Variants in BICC1 observed in about 807,000 individuals in gnomAD.
BICC1 encodes the protein protein bicaudal C homolog 1.
A neutral mutation model predicts 111.0 loss-of-function variants in BICC1; 43 were observed. That is an observed-to-expected ratio of 0.39 (90% CI 0.30 to 0.50). The LOEUF is 0.50. Among genes scored for constraint, BICC1 ranks in the 20% least tolerant of loss-of-function variants. The pLI is 0.88. For missense variants in BICC1, 1,091 were observed against 1,203.2 expected (o/e 0.91, Z 1.38); for synonymous variants, 467 against 434.4 (o/e 1.07, Z -0.93).
intron 15 of BICC1, among the ~76,000 whole-genome samples, chr10:58,803,893 A>T (rs567963488): frequency 4.7e-4 from 72 of 152,354 alleles, no homozygotes; most frequent in African/African-American, 1.6e-3. Flanking sequence ...AATATGAAAG[A>T]TAAGGATTTG....
intron 3 of BICC1, among the ~76,000 whole-genome samples, chr10:58,780,210 C>T (rs1213231070): frequency 6.6e-6 from 1 of 152,156 alleles, no homozygotes; most frequent in Non-Finnish European, 1.5e-5. Context: ...ATCTGTTTGA[C>T]AGTTTTGTTT....
rs575429736 is a variant in BICC1 at position 58,739,542 on chromosome 10, A to T, written c.307+37399A>T. Among the ~76,000 whole-genome samples the T allele has an allele frequency of 2.6e-3, 388 of 150,160 alleles. 3 individuals carry two copies. Among genetic ancestry groups the T allele is most frequent in the African/African-American group, 8.9e-3 (364 of 41,006 alleles). Reference sequence around the variant, plus strand: ...GCTGATTTTATAAAACTTTAGTTTAATTTTTTTTTTACTTTCCTTCCAGAT... The same window carrying T: ...GCTGATTTTATAAAACTTTAGTTTATTTTTTTTTTTACTTTCCTTCCAGAT... On this transcript the variant is annotated intron_variant, in intron 3 of 20. Transcript: ENST00000373886.
chr10:58,642,587 A>G (rs1838155202), intron 2 of BICC1, among the ~76,000 whole-genome samples: 1 of 152,134 alleles, frequency 6.6e-6, no homozygotes, highest in Non-Finnish European at 1.5e-5. Context: ...GTCTCCCAGG[A>G]AAGTGTGGTT....
intron 2 of BICC1, among the ~76,000 whole-genome samples, chr10:58,625,002 A>G (rs1344294467): frequency 1.3e-5 from 2 of 152,230 alleles, no homozygotes; most frequent in Non-Finnish European, 2.9e-5. Flanking sequence ...TGATGGGATT[A>G]CAGATTAAAC....
intron 3 of BICC1, among the ~76,000 whole-genome samples, chr10:58,745,198 T>G (rs558777384): frequency 6.6e-6 from 1 of 152,274 alleles, no homozygotes; most frequent in South Asian, 2.1e-4. Flanking sequence ...TAATTTTCAG[T>G]CTTTCACATC....
intron 2 of BICC1, among the ~76,000 whole-genome samples, chr10:58,658,925 A>G (rs1838750246): frequency 1.3e-5 from 2 of 152,176 alleles, no homozygotes; most frequent in South Asian, 2.1e-4. Context: ...AATTGGCACT[A>G]GAGTGTAATT....
chr10:58,745,609 C>CG (rs1554827850), intron 3 of BICC1, among the ~76,000 whole-genome samples: 3 of 130,794 alleles, frequency 2.3e-5, no homozygotes, highest in Admixed American at 7.8e-5. Context: ...ACCGCCCCCC[C>CG]CCCACATTTT....
At chr10:58,797,755 T>C (rs145914847) in intron 10 of BICC1, among the ~76,000 whole-genome samples, 171 of 152,304 alleles carry the variant, frequency 1.1e-3, no homozygotes, top group African/African-American at 3.7e-3. Flanking sequence ...GAACATATTT[T>C]AAATGCCCAA....
chr10:58,752,872 A>C (rs1157448094), intron 3 of BICC1, among the ~76,000 whole-genome samples: 2 of 152,158 alleles, frequency 1.3e-5, no homozygotes, highest in African/African-American at 4.8e-5. Context: ...GGAGGTCAGC[A>C]GTGCAGGCTG....
rs1033609024 is a variant in BICC1 at position 58,738,981 on chromosome 10, G to T, written c.307+36838G>T. ...TTTGCTTATCAGCTTAAGGAGATTT[G>T]GGGCTGAGACAGTGGGGTTTTCTAG... On this transcript the variant is annotated intron_variant, in intron 3 of 20. Coordinates refer to ENST00000373886, the MANE Select transcript of BICC1 (RefSeq NM_001080512.3). 1.6e-3 allele frequency among the ~76,000 whole-genome samples: 237 copies of T among 151,978 alleles called. 1 individual carries two copies. The highest frequency in any genetic ancestry group is 2.4e-3 in the Non-Finnish European group (164 of 67,974).
chr10:58,759,292 T>G (rs1466157370), intron 3 of BICC1, among the ~76,000 whole-genome samples: 2 of 152,036 alleles, frequency 1.3e-5, no homozygotes, highest in African/African-American at 2.4e-5. Context: ...AGTGGCAATA[T>G]AAGCAAAAAT....
rs147466451 is a variant in BICC1, at chr10:58,789,367, A to C, written c.706A>C (p.Asn236His). 185 of 1,614,050 alleles carry C rather than the reference A, an allele frequency of 1.1e-4. No homozygotes were observed. Among genetic ancestry groups the C allele is most frequent in the Admixed American group, 3.3e-4 (20 of 60,014 alleles). Reference protein sequence around the residue: ...PSIQHISQTYNISVSFKQRSR... With the variant: ...PSIQHISQTYHISVSFKQRSR... ...TATTCAGCATATATCACAAACGTAC[A>C]ATATTTCAGTATCATTTAAACAGCG... Residue 236 changes from asparagine to histidine, a missense_variant, in exon 7 of 21, where the codon AAT (asparagine) becomes CAT (histidine). Around this residue, in one of 3 missense-constraint regions of BICC1, gnomAD observed 843 missense variants for 900.8 expected, o/e 0.94. Coordinates refer to ENST00000373886, the MANE Select transcript of BICC1 (RefSeq NM_001080512.3).
Position 58,828,897 on chromosome 10 carries a change from C to CCCT in BICC1, c.*8_*10dup. 1.2e-6 allele frequency: 2 copies of CCCT among 1,613,654 alleles called. No individual in the cohort carries two copies. The highest frequency in any genetic ancestry group is 1.7e-6 in the Non-Finnish European group (2 of 1,179,726). ...GTGTCAGTGGCCGCTGGTAGCAGCACCCTCTTGGCACATGCCCGCTGACTA... is the reference window on the plus strand; with the variant it reads ...GTGTCAGTGGCCGCTGGTAGCAGCACCCTCCTCTTGGCACATGCCCGCTGACTA... On this transcript the variant is annotated 3_prime_UTR_variant, in exon 21 of 21. Transcript: ENST00000373886.
chr10:58,606,539 C>G (rs11006204), intron 1 of BICC1, among the ~76,000 whole-genome samples: 43,765 of 151,362 alleles, frequency 0.29, 6,648 homozygotes, highest in East Asian at 0.45. Flanking sequence ...TTGTGCACAT[C>G]TACCCTAAAA....
rs1005326010 is a variant in BICC1, at chr10:58,550,955, C to T, written c.190+37622C>T. ...ATATTAGACATTTTATCTCCTTCAT[C>T]TTGTCATCAGCTTTTAACATTCCAC... On this transcript the variant is annotated intron_variant, in intron 1 of 20. Coordinates refer to ENST00000373886, the MANE Select transcript of BICC1 (RefSeq NM_001080512.3). Among the ~76,000 whole-genome samples, 4 of 152,266 alleles carry T rather than the reference C, an allele frequency of 2.6e-5. No individual in the cohort carries two copies. In the East Asian group the frequency reaches 5.8e-4, roughly 22 times the overall value.
chr10:58,514,762 T>G (rs1372292449), intron 1 of BICC1, among the ~76,000 whole-genome samples: 1 of 152,234 alleles, frequency 6.6e-6, no homozygotes, highest in African/African-American at 2.4e-5. Flanking sequence ...TAAGATAGAT[T>G]TGGAAATTAA....
chr10:58,673,792 T>TA (rs1415858832), intron 2 of BICC1, among the ~76,000 whole-genome samples: 1 of 150,850 alleles, frequency 6.6e-6, no homozygotes, highest in Non-Finnish European at 1.5e-5. Context: ...CCAGCTTTTT[T>TA]TTTTTTTTTG....
chr10:58,755,938 C>A (rs1842131424), intron 3 of BICC1, among the ~76,000 whole-genome samples: 2 of 152,174 alleles, frequency 1.3e-5, no homozygotes, highest in Non-Finnish European at 2.9e-5. Context: ...ATTTCACTTT[C>A]TCCTTCTGCT....
At chr10:58,826,980 T>C (rs1048490208) in intron 20 of BICC1, among the ~76,000 whole-genome samples, 1 of 152,202 alleles carries the variant, frequency 6.6e-6, no homozygotes. Flanking sequence ...CTCTAGACTG[T>C]TTCCATTGAT....
Sources: gnomAD v4.1 joint callset for allele counts (sites outside exome capture counted in the v4.1 genomes callset) on GRCh38, gnomAD v4.1.1 for gene constraint, gnomAD v4.1.1 regional missense constraint, MANE v1.5 for transcripts, NCBI Gene and HGNC (gene_info 2026-07-23, HGNC 2026-07-21) for gene names.